Variants in HIP1 observed in about 807,000 individuals in gnomAD.
HIP1 encodes huntingtin interacting protein 1, also known as huntingtin-interacting protein 1.
Under a neutral mutation model 147.6 loss-of-function variants are expected in HIP1, and 65 were observed. The observed-to-expected ratio is 0.44, with a 90% confidence interval of 0.36 to 0.54. HIP1 has a LOEUF of 0.54. Ranked by LOEUF, HIP1 falls within the 20% of genes least tolerant of loss-of-function variation. HIP1 has a pLI of 0.00. For synonymous variants in HIP1, 479 were observed against 504.0 expected, an observed-to-expected ratio of 0.95 and a Z score of 0.67; for missense variants, 1,061 against 1,299.6, an observed-to-expected ratio of 0.82 and a Z score of 2.82.
At chr7:75,626,721 T>C (rs10216304) in intron 1 of HIP1, 17,439 of 152,224 alleles carry the variant, frequency 0.11, 1,441 homozygotes, top group African/African-American at 0.23. Flanking sequence ...AAAACAAAAA[T>C]TAAAGTCTAC....
intron 1 of HIP1, among the ~76,000 whole-genome samples, chr7:75,716,025 C>T (rs1351193211): frequency 1.3e-5 from 2 of 152,060 alleles, no homozygotes; most frequent in African/African-American, 2.4e-5. Context: ...CTCATGACTG[C>T]GGGGAGGGCA....
chr7:75,639,598 C>T, intron 1 of HIP1, among the ~76,000 whole-genome samples: 1 of 137,638 alleles, frequency 7.3e-6, no homozygotes, highest in African/African-American at 3.0e-5. Context: ...TGTGTGCGCC[C>T]GCGTGTGTGT....
chr7:75,602,414 C>T (rs1265400744), intron 1 of HIP1, among the ~76,000 whole-genome samples: 1 of 148,524 alleles, frequency 6.7e-6, no homozygotes, highest in Non-Finnish European at 1.5e-5. Context: ...GATCCTCCTA[C>T]CTCAGCCTCT....
At chr7:75,554,416 G>C (rs1554492764) in intron 20 of HIP1, 24 bp downstream of exon 20, 7 of 1,591,680 alleles carry the variant, frequency 4.4e-6, no homozygotes, top group East Asian at 4.5e-5. Context: ...CTAGCCGACA[G>C]AGACTGTCCT....
chr7:75,573,491 C>G (rs1554497056), intron 8 of HIP1, among the ~76,000 whole-genome samples: 2 of 152,180 alleles, frequency 1.3e-5, no homozygotes, highest in African/African-American at 2.4e-5. Flanking sequence ...GCACCACTGG[C>G]CCCAGAGGTT....
At chr7:75,692,578 G>A (rs571495767) in intron 1 of HIP1, among the ~76,000 whole-genome samples, 6 of 141,634 alleles carry the variant, frequency 4.2e-5, no homozygotes, top group Non-Finnish European at 7.6e-5. Flanking sequence ...GAACCACCAC[G>A]CCTGGCCAAT....
chr7:75,692,373 C>T (rs1800487685), intron 1 of HIP1, among the ~76,000 whole-genome samples: 1 of 151,668 alleles, frequency 6.6e-6, no homozygotes, highest in Admixed American at 6.6e-5. Flanking sequence ...ATCCTCCTGC[C>T]TCAAGTCTCC....
At chr7:75,612,601 G>C (rs1280107737) in intron 1 of HIP1, among the ~76,000 whole-genome samples, 2 of 151,990 alleles carry the variant, frequency 1.3e-5, no homozygotes, top group Non-Finnish European at 2.9e-5. Flanking sequence ...CTGAGGTCAG[G>C]AGTTCAAGAC....
chr7:75,563,289 G>A (rs1795294940), intron 9 of HIP1, 26 bp from the exon 10 acceptor site: 1 of 1,608,666 alleles, frequency 6.2e-7, no homozygotes. Context: ...GACCTGAGGG[G>A]TGCTGGGTGT....
Position 75,560,038 on chromosome 7 carries a change from C to G in HIP1, c.1192-123G>C, listed in dbSNP as rs1040819971. The G allele has an allele frequency of 4.1e-6, 4 of 965,914 alleles. No homozygotes were observed. In the African/African-American group the frequency reaches 6.6e-5, roughly 16 times the overall value. The allele number at this position is 965,914 out of a possible 1,614,324, so 59.8% of individuals were successfully genotyped here. On this transcript the variant is annotated intron_variant, in intron 13 of 30. Transcript: ENST00000336926. Reference sequence around the variant, plus strand: ...CTGATTCCCCTAAGTCAACTCTCCACGTCCCAGGAGGGTTGGACCATCTGG... The same window carrying G: ...CTGATTCCCCTAAGTCAACTCTCCAGGTCCCAGGAGGGTTGGACCATCTGG...
intron 1 of HIP1, among the ~76,000 whole-genome samples, chr7:75,641,244 T>C (rs1798642524): frequency 6.6e-6 from 1 of 152,064 alleles, no homozygotes. Context: ...AGGCAGAGGT[T>C]GCAGAGGGCC....
chr7:75,561,420 T>C lies in HIP1; in HGVS notation c.1119-19A>G. The C allele has an allele frequency of 3.2e-6, 5 of 1,564,090 alleles. No homozygotes were observed. The highest frequency in any genetic ancestry group is 4.4e-6 in the Non-Finnish European group (5 of 1,134,452). ...GTGGTCCCTGGGAAGAGAAGGGGAATGAGTTTGCTTTCATAGTGCTTCTAT... is the reference window on the plus strand; with the variant it reads ...GTGGTCCCTGGGAAGAGAAGGGGAACGAGTTTGCTTTCATAGTGCTTCTAT... On this transcript the variant is annotated intron_variant, in intron 12 of 30. Transcript: ENST00000336926.
intron 1 of HIP1, among the ~76,000 whole-genome samples, chr7:75,608,134 G>A (rs782243179): frequency 2.8e-4 from 43 of 152,060 alleles, no homozygotes; most frequent in Non-Finnish European, 4.4e-4. Context: ...GTGAAACCTC[G>A]TCTCTACTAA....
chr7:75,567,356 A>G (rs1305197814), intron 9 of HIP1, among the ~76,000 whole-genome samples: 1 of 151,318 alleles, frequency 6.6e-6, no homozygotes, highest in Non-Finnish European at 1.5e-5. Context: ...AAGAGGATGA[A>G]GTCTGGGGCA....
At chr7:75,546,203 TA>T (rs61307928) in intron 25 of HIP1, among the ~76,000 whole-genome samples, 13,055 of 151,530 alleles carry the variant, frequency 0.086, 1,606 homozygotes, top group African/African-American at 0.27. Context: ...GTGAATACAT[TA>T]AAAAAAAATA....
intron 1 of HIP1, among the ~76,000 whole-genome samples, chr7:75,719,555 A>G (rs1250426394): frequency 6.6e-6 from 1 of 151,958 alleles, no homozygotes; most frequent in Admixed American, 6.6e-5. Flanking sequence ...CAATGCTCAC[A>G]TACATGTCAG....
Position 75,568,283 on chromosome 7 carries a change from AG to A in HIP1, c.746-28del. The A allele has an allele frequency of 6.5e-7, 1 of 1,542,720 alleles. No individual in the cohort carries two copies. The highest frequency in any genetic ancestry group is 9.0e-7 in the Non-Finnish European group (1 of 1,115,842). ...TGGAAGAAATTGGAAAGAGTGTGAG[AG>A]GGGAGGGGGACCAGAGGGCAGGGAA... On this transcript the variant is annotated intron_variant, in intron 8 of 30. Coordinates refer to ENST00000336926, the MANE Select transcript of HIP1 (RefSeq NM_005338.7). This position sits in a 1 kb window ranked among gnomAD's most constrained non-coding sequence, Gnocchi z 4.1.
intron 1 of HIP1, among the ~76,000 whole-genome samples, chr7:75,690,539 A>C (rs1800413042): frequency 6.6e-6 from 1 of 152,262 alleles, no homozygotes; most frequent in African/African-American, 2.4e-5. Context: ...TGGTGTGACC[A>C]CAGTGGAGAA....
intron 1 of HIP1, among the ~76,000 whole-genome samples, chr7:75,651,209 C>A (rs1798970493): frequency 6.6e-6 from 1 of 151,834 alleles, no homozygotes; most frequent in Admixed American, 6.6e-5. Context: ...CCTGTAATCC[C>A]AGCACTTTGG....
Sources: gnomAD v4.1 joint callset for allele counts (sites outside exome capture counted in the v4.1 genomes callset) on GRCh38, gnomAD v4.1.1 for gene constraint, Gnocchi (gnomAD v3.1) non-coding constraint, MANE v1.5 for transcripts, NCBI Gene and HGNC (gene_info 2026-07-23, HGNC 2026-07-21) for gene names.